DPYD: variants seen among roughly 807,000 people sequenced by gnomAD.
The protein encoded by DPYD is dihydropyrimidine dehydrogenase, also known as dihydropyrimidine dehydrogenase [NADP(+)].
DPYD carries 109 observed loss-of-function variants against 116.2 expected under a neutral mutation model. The observed-to-expected ratio is 0.94, with a 90% CI of 0.80 to 1.10. DPYD has a LOEUF of 1.10. Among genes scored for constraint, DPYD ranks in the 50% least tolerant of loss-of-function variants. The probability of loss-of-function intolerance (pLI) is 0.00; values close to 1 mark genes in which losing one functional copy is unlikely to be tolerated. For missense variants in DPYD, 1,302 were observed against 1,254.5 expected (o/e 1.04, Z -0.57); for synonymous variants, 440 against 432.0 (o/e 1.02, Z -0.23).
At chr1:97,203,669 C>A (rs1447990573) in intron 19 of DPYD, among the ~76,000 whole-genome samples, 1 of 57,054 alleles carries the variant, frequency 1.8e-5, no homozygotes, top group Non-Finnish European at 3.5e-5. Context: ...CAGACCCCCC[C>A]CCCCCAAAAA....
intron 14 of DPYD, among the ~76,000 whole-genome samples, chr1:97,415,523 T>C (rs986796659): frequency 1.4e-4 from 21 of 152,240 alleles, no homozygotes; most frequent in Middle Eastern, 3.4e-3. Context: ...GGGTTTCACA[T>C]GTTGGCCAGG....
At chr1:97,165,012 T>G (rs962514343) in intron 20 of DPYD, among the ~76,000 whole-genome samples, 5 of 152,148 alleles carry the variant, frequency 3.3e-5, no homozygotes, top group African/African-American at 1.2e-4. Context: ...CCAGCCACAA[T>G]GTACAGATTC....
chr1:97,117,022 G>C (rs1652026804), intron 20 of DPYD, among the ~76,000 whole-genome samples: 1 of 150,484 alleles, frequency 6.6e-6, no homozygotes, highest in Non-Finnish European at 1.5e-5. Context: ...AAATTAGCCA[G>C]GCATAGTGGT....
At chr1:97,679,486 C>T (rs942589824) in intron 7 of DPYD, among the ~76,000 whole-genome samples, 4 of 152,102 alleles carry the variant, frequency 2.6e-5, no homozygotes, top group East Asian at 1.9e-4. Context: ...AATAATAAGA[C>T]GATAAATAAG....
At chr1:97,812,068 T>C (rs114564527) in intron 3 of DPYD, among the ~76,000 whole-genome samples, 1,799 of 152,294 alleles carry the variant, frequency 0.012, 13 homozygotes, top group Middle Eastern at 0.044. Context: ...CCACTGCTTC[T>C]TCCCCACTGG....
chr1:97,736,000 TAA>T (rs1663920593), intron 4 of DPYD, among the ~76,000 whole-genome samples: 1 of 152,094 alleles, frequency 6.6e-6, no homozygotes, highest in Admixed American at 6.5e-5. Context: ...AACATGTATC[TAA>T]TAAGAGCTTC....
chr1:97,647,057 T>C (rs1379375542), intron 8 of DPYD, among the ~76,000 whole-genome samples: 2 of 152,140 alleles, frequency 1.3e-5, no homozygotes, highest in Non-Finnish European at 2.9e-5. Flanking sequence ...TTGCACTTTC[T>C]CACCTGTAGT....
chr1:97,326,843 T>C (rs1008242926), intron 16 of DPYD, among the ~76,000 whole-genome samples: 1 of 152,020 alleles, frequency 6.6e-6, no homozygotes, highest in Non-Finnish European at 1.5e-5. Flanking sequence ...AACTGTGTTT[T>C]ACATAAAATA....
At chr1:97,765,687 A>C (rs557820840) in intron 3 of DPYD, among the ~76,000 whole-genome samples, 2 of 152,322 alleles carry the variant, frequency 1.3e-5, no homozygotes, top group East Asian at 3.9e-4. Flanking sequence ...GCAGTAATAC[A>C]TGCACGTTGT....
intron 14 of DPYD, among the ~76,000 whole-genome samples, chr1:97,405,320 T>C (rs12048663): frequency 0.12 from 17,986 of 152,092 alleles, 1,394 homozygotes; most frequent in South Asian, 0.28. Context: ...TTCTGGCCTA[T>C]ATAGTTTTCC....
rs111832644 is a variant in DPYD, at chr1:97,680,160, A to G, written c.763-978T>C. Among the ~76,000 whole-genome samples the G allele has an allele frequency of 6.1e-3, 933 of 152,272 alleles. 3 individuals are homozygous for G. Among genetic ancestry groups the G allele is most frequent in the Non-Finnish European group, 0.01 (702 of 68,010 alleles). On this transcript the variant is annotated intron_variant, in intron 7 of 22. Coordinates refer to ENST00000370192, the MANE Select transcript of DPYD (RefSeq NM_000110.4). ...ATAATTGAAATTGTTACATTTGTCA[A>G]TTGAAGTAATCCCTACATTGGGTCT...
intron 13 of DPYD, among the ~76,000 whole-genome samples, chr1:97,479,494 C>G (rs955469222): frequency 1.3e-5 from 2 of 151,994 alleles, no homozygotes; most frequent in Non-Finnish European, 2.9e-5. Context: ...TTGTGGTGCT[C>G]CAAAGCAATT....
Position 97,382,390 on chromosome 1 carries a change from T to C in DPYD, c.1974+3A>G. 7.0e-6 allele frequency: 11 copies of C among 1,574,416 alleles called. No homozygotes were observed. The highest frequency in any genetic ancestry group is 9.6e-6 in the Non-Finnish European group (11 of 1,151,742). On this transcript the variant is annotated splice_donor_region_variant and intron_variant, in intron 15 of 22. Coordinates refer to ENST00000370192, the MANE Select transcript of DPYD (RefSeq NM_000110.4). ...AATAAATATATACTAAAGTAACCAT[T>C]ACCTCAGACTTCTTGGCAAGTTCCG...
intron 10 of DPYD, among the ~76,000 whole-genome samples, chr1:97,583,517 T>C (rs1653847089): frequency 6.6e-6 from 1 of 152,140 alleles, no homozygotes; most frequent in Non-Finnish European, 1.5e-5. Context: ...GTTCCTCCTT[T>C]AATCTTAAAA....
chr1:97,116,283 C>G (rs1651953984), intron 20 of DPYD, among the ~76,000 whole-genome samples: 1 of 152,136 alleles, frequency 6.6e-6, no homozygotes, highest in Admixed American at 6.6e-5. Flanking sequence ...CACACCCAAA[C>G]TGCCTGCACC....
intron 11 of DPYD, among the ~76,000 whole-genome samples, chr1:97,558,449 TTCA>T (rs1466607062): frequency 9.9e-5 from 15 of 152,110 alleles, no homozygotes. Flanking sequence ...AATTAGTCAG[TTCA>T]TCATGTGGAG....
chr1:97,329,573 C>G (rs1006307622), intron 16 of DPYD, among the ~76,000 whole-genome samples: 2 of 151,082 alleles, frequency 1.3e-5, no homozygotes, highest in Non-Finnish European at 3.0e-5. Flanking sequence ...ATGGCAAAAC[C>G]CGGTATCTAC....
At chr1:97,155,591 A>T (rs1174600238) in intron 20 of DPYD, among the ~76,000 whole-genome samples, 1 of 152,208 alleles carries the variant, frequency 6.6e-6, no homozygotes, top group Non-Finnish European at 1.5e-5. Flanking sequence ...AGGTCTCCTG[A>T]TAATACTGCT....
chr1:97,278,088 T>A (rs972449477), intron 18 of DPYD, among the ~76,000 whole-genome samples: 4 of 152,230 alleles, frequency 2.6e-5, no homozygotes, highest in Admixed American at 2.6e-4. Flanking sequence ...GTGTTTACTG[T>A]CAATTCATCT....
Sources: allele counts gnomAD v4.1 joint callset (sites outside exome capture counted in the v4.1 genomes callset), GRCh38; gene constraint gnomAD v4.1.1; transcripts MANE v1.5; gene names NCBI Gene and HGNC (gene_info 2026-07-23, HGNC 2026-07-21).